SPG21: variants seen among roughly 807,000 people sequenced by gnomAD.
The protein encoded by SPG21 is SPG21 abhydrolase domain containing, maspardin, also known as maspardin.
A neutral mutation model predicts 38.9 loss-of-function variants in SPG21; 26 were observed. That is an observed-to-expected ratio of 0.67 (90% confidence interval 0.49 to 0.93). SPG21 has a LOEUF of 0.93. Among genes scored for constraint, SPG21 ranks in the 40% least tolerant of loss-of-function variants. The probability of loss-of-function intolerance (pLI) is 0.00; values close to 1 mark genes in which losing one functional copy is unlikely to be tolerated. For synonymous variants in SPG21, 136 were observed against 128.9 expected (o/e 1.05, Z -0.37); for missense variants, 333 against 376.5 (o/e 0.88, Z 0.96).
Position 64,973,429 on chromosome 15 carries a change from A to C in SPG21, c.452+1173T>G, listed in dbSNP as rs547002062. ...ACAAGTACCCCACTGGCTGCACCCA[A>C]AGCATTTCCACCATTTTGTTTTTGG... On this transcript the variant is annotated intron_variant, in intron 5 of 8. Transcript: ENST00000204566. Among the ~76,000 whole-genome samples, 4 of 152,176 alleles carry C rather than the reference A, an allele frequency of 2.6e-5. No individual in the cohort carries two copies. In the South Asian group the frequency reaches 8.3e-4, roughly 32 times the overall value.
intron 3 of SPG21, among the ~76,000 whole-genome samples, chr15:64,977,345 G>A (rs772454025): frequency 2.0e-5 from 3 of 151,500 alleles, no homozygotes; most frequent in Non-Finnish European, 2.9e-5. Flanking sequence ...AATTTTAGGC[G>A]TGAGTCACTC....
chr15:64,979,698 T>C (rs2085847674), intron 3 of SPG21, among the ~76,000 whole-genome samples: 1 of 152,024 alleles, frequency 6.6e-6, no homozygotes, highest in South Asian at 2.1e-4. Context: ...TTCATCCCTT[T>C]AAACAGTAAA....
At chr15:64,980,673 G>C (rs914152468) in intron 3 of SPG21, among the ~76,000 whole-genome samples, 191 bp downstream of exon 3, 1 of 152,050 alleles carries the variant, frequency 6.6e-6, no homozygotes, top group Non-Finnish European at 1.5e-5. Context: ...GGGAGACGGA[G>C]GTTGCAGTGA....
intron 4 of SPG21, 27 bp downstream of exon 4, chr15:64,976,448 G>A: frequency 7.4e-6 from 11 of 1,494,464 alleles, no homozygotes; most frequent in Non-Finnish European, 9.3e-6. Flanking sequence ...AAAATTGTAT[G>A]TATGTAATTA....
intron 4 of SPG21, among the ~76,000 whole-genome samples, chr15:64,975,276 A>C (rs2085752376): frequency 6.7e-6 from 1 of 149,566 alleles, no homozygotes; most frequent in African/African-American, 2.5e-5. Flanking sequence ...CAACAGAGCG[A>C]GACTCCGTCT....
intron 8 of SPG21, among the ~76,000 whole-genome samples, chr15:64,964,055 C>G (rs115176228): frequency 6.6e-6 from 1 of 152,234 alleles, no homozygotes; most frequent in South Asian, 2.1e-4. Flanking sequence ...TGCACCCTGC[C>G]AGAATCATTG....
intron 2 of SPG21, among the ~76,000 whole-genome samples, chr15:64,982,372 C>T (rs2085901805): frequency 6.6e-6 from 1 of 152,090 alleles, no homozygotes; most frequent in Admixed American, 6.5e-5. Flanking sequence ...TCTCAAATTC[C>T]TAGGCTCAAG....
chr15:64,972,587 C>T (rs998068680), intron 5 of SPG21, among the ~76,000 whole-genome samples: 5 of 152,180 alleles, frequency 3.3e-5, no homozygotes, highest in East Asian at 1.9e-4. Context: ...AATCCCAGCA[C>T]TTTGGGAGGC....
chr15:64,971,006 C>T (rs1030663953), intron 5 of SPG21, among the ~76,000 whole-genome samples: 2 of 151,910 alleles, frequency 1.3e-5, no homozygotes, highest in Non-Finnish European at 2.9e-5. Flanking sequence ...TCCCACAGTG[C>T]TGGGATCACA....
Position 64,980,990 on chromosome 15 carries a change from C to G in SPG21, c.99G>C (p.Ser33=). 1 of 1,613,986 alleles carries G rather than the reference C, an allele frequency of 6.2e-7. No homozygotes were observed. The highest frequency in any genetic ancestry group is 2.2e-5 in the East Asian group (1 of 44,892). ...TACTTCGGGGGCCCGCGTCATAGAG[C>G]GACCATATCTTACTGTCATCATCAT... The part of the protein sequence containing the change: ...IVDDDDSKIW[S]LYDAGPRSIR... Residue 33 remains serine, a synonymous_variant, in exon 3 of 9, where the codon TCG becomes TCC. Transcript: ENST00000204566.
rs2085490821 is a variant in SPG21 at position 64,963,658 on chromosome 15, G to C, written c.889C>G (p.Gln297Glu). Residue 297 changes from glutamine to glutamate, a missense_variant, in exon 9 of 9, where the codon CAG becomes GAG. Gln to Glu is a conservative substitution (Grantham distance 29). Coordinates refer to ENST00000204566, the MANE Select transcript of SPG21 (RefSeq NM_016630.7). ...TGGCTGATGCCAAGGCTGCCTTTCT[G>C]CACCTCAAGCTCCTCGGCACTGACC... is the stretch of plus-strand genomic sequence containing the variant. The part of the protein sequence containing the change: ...SMVSAEELEV[Q>E]KGSLGISQEE... The C allele has an allele frequency of 5.0e-6, 8 of 1,614,128 alleles. No individual in the cohort carries two copies. The highest frequency in any genetic ancestry group is 6.8e-6 in the Non-Finnish European group (8 of 1,180,032).
chr15:64,983,783 C>T (rs1432394345), intron 1 of SPG21, among the ~76,000 whole-genome samples, 190 bp from the exon 2 acceptor site: 1 of 150,902 alleles, frequency 6.6e-6, no homozygotes, highest in Non-Finnish European at 1.5e-5. Context: ...ATCAGAAGCA[C>T]TCTTTTTTTT....
intron 1 of SPG21, among the ~76,000 whole-genome samples, chr15:64,988,029 C>T (rs1004411209): frequency 1.3e-5 from 2 of 151,388 alleles, no homozygotes; most frequent in Non-Finnish European, 2.9e-5. Flanking sequence ...AGCGAAACTC[C>T]ATCTCAAAAA....
rs2085489407 is a variant in SPG21 at position 64,963,589 on chromosome 15, G to A, written c.*31C>T. 2.6e-6 allele frequency: 4 copies of A among 1,550,926 alleles called. 1 individual carries two copies. In the Admixed American group the frequency reaches 5.0e-5, roughly 19 times the overall value. On this transcript the variant is annotated 3_prime_UTR_variant, in exon 9 of 9. Coordinates refer to ENST00000204566, the MANE Select transcript of SPG21 (RefSeq NM_016630.7). ...CCACTGACTATACAAGAACACACCG[G>A]GTCAACTCATCATTGACAGCGAGAG...
chr15:64,978,781 T>A (rs1039312589), intron 3 of SPG21, among the ~76,000 whole-genome samples: 1 of 152,134 alleles, frequency 6.6e-6, no homozygotes, highest in Non-Finnish European at 1.5e-5. Context: ...GTGACAAAAT[T>A]ATATGCAACT....
intron 5 of SPG21, among the ~76,000 whole-genome samples, chr15:64,972,863 CAAAA>C (rs959117896): frequency 1.5e-5 from 2 of 131,360 alleles, no homozygotes; most frequent in African/African-American, 5.0e-5. Flanking sequence ...CAAACAACAA[CAAAA>C]AAAACTAAAA....
chr15:64,974,157 T>C (rs1297676960), intron 5 of SPG21, among the ~76,000 whole-genome samples: 1 of 152,184 alleles, frequency 6.6e-6, no homozygotes, highest in Non-Finnish European at 1.5e-5. Context: ...GCAAAGGTAA[T>C]TGTTTCTAAT....
At chr15:64,981,133 T>C in intron 2 of SPG21, 108 bp from the exon 3 acceptor site, 1 of 1,366,436 alleles carries the variant, frequency 7.3e-7, no homozygotes, top group African/African-American at 1.4e-5. Context: ...CCTTGTTTGT[T>C]ACAAGGTAAC....
In SPG21 at chr15:64,965,436, T is replaced by C; in HGVS notation, c.694A>G (p.Thr232Ala). 1.2e-6 allele frequency: 2 copies of C among 1,614,202 alleles called. No homozygotes were observed. The highest frequency in any genetic ancestry group is 2.2e-5 in the East Asian group (1 of 44,886). The change falls in exon 8 of 9, where the codon ACT (threonine) becomes GCT (alanine). Residue 232 changes from threonine (T) to alanine (A), a missense_variant. By Grantham distance (58) the Thr-to-Ala change is moderately conservative. Transcript: ENST00000204566. ...MDVFDQSALS[T>A]EAKEEMYKLY... ...TTGTACATTTCTTCTTTAGCTTCAG[T>C]TGAAAGCGCACTCTGATCAAACACC...
Sources: gnomAD v4.1 joint callset for allele counts (sites outside exome capture counted in the v4.1 genomes callset) on GRCh38, gnomAD v4.1.1 for gene constraint, MANE v1.5 for transcripts, NCBI Gene and HGNC (gene_info 2026-07-23, HGNC 2026-07-21) for gene names.